Variants in FBXL22 observed in about 807,000 individuals in gnomAD.
The protein encoded by FBXL22 is F-box and leucine rich repeat protein 22.
FBXL22 carries 13 observed loss-of-function variants against 11.7 expected under a neutral mutation model. That is an observed-to-expected ratio of 1.11 (90% CI 0.73 to 1.77). The LOEUF (loss-of-function observed/expected upper bound fraction) is 1.77, where lower values mean the gene tolerates loss of function less well. Ranked by LOEUF, FBXL22 falls within the 40% of genes most tolerant of loss-of-function variation. The pLI is 0.00. For synonymous variants in FBXL22, 160 were observed against 144.1 expected (o/e 1.11, Z -0.79); for missense variants, 406 against 320.4 (o/e 1.27, Z -2.04).
the FBXL22 span, among the ~76,000 whole-genome samples, chr15:63,608,107 G>C: frequency 6.6e-6 from 1 of 152,228 alleles, no homozygotes; most frequent in Non-Finnish European, 1.5e-5. Flanking sequence ...GTGCCTGCTA[G>C]CAGTTGCTGG....
chr15:63,605,736 G>A (rs1431301110), downstream of FBXL22, among the ~76,000 whole-genome samples: 1 of 152,206 alleles, frequency 6.6e-6, no homozygotes, highest in Non-Finnish European at 1.5e-5. Context: ...CTCCTGCAAT[G>A]CTAACTCTTT....
At chr15:63,604,420 C>G (rs927061816), downstream of FBXL22, among the ~76,000 whole-genome samples, 4 of 152,132 alleles carry the variant, frequency 2.6e-5, no homozygotes, top group African/African-American at 9.7e-5. Flanking sequence ...ACATAGTGAT[C>G]ACAGAACTCA....
chr15:63,606,094 G>A (rs778333678), downstream of FBXL22, among the ~76,000 whole-genome samples: 5 of 152,190 alleles, frequency 3.3e-5, no homozygotes, highest in African/African-American at 7.2e-5. Context: ...GGAAGCAGAG[G>A]CTCCCAGTTC....
Position 63,600,878 on chromosome 15 carries a change from G to T in FBXL22, c.535G>T (p.Val179Leu). Residue 179 changes from valine (V) to leucine (L), a missense_variant, in exon 2 of 2, where the codon GTG becomes TTG. By Grantham distance (32) the Val-to-Leu change is conservative. Coordinates refer to ENST00000638704, the MANE Select transcript of FBXL22 (RefSeq NM_001367807.1). ...ADGRALQTLH[V>L]DFCRNVSAAG... ...CGGGCGCGCGCTGCAGACATTGCACGTGGACTTCTGCCGCAACGTGAGCGC... is the reference window on the plus strand; with the variant it reads ...CGGGCGCGCGCTGCAGACATTGCACTTGGACTTCTGCCGCAACGTGAGCGC... 5.7e-6 allele frequency: 7 copies of T among 1,226,908 alleles called. No individual in the cohort carries two copies. Among genetic ancestry groups the T allele is most frequent in the Non-Finnish European group, 5.1e-6 (5 of 984,548 alleles). 76.0% of individuals were successfully genotyped at this position (1,226,908 alleles called of 1,614,324 possible).
downstream of FBXL22, chr15:63,601,390 G>C: frequency 6.2e-7 from 1 of 1,600,382 alleles, no homozygotes; most frequent in Non-Finnish European, 8.5e-7. Context: ...TCGGTGGGGA[G>C]GACCTGACCA....
intron 1 of FBXL22, chr15:63,599,357 T>C: frequency 1.4e-6 from 2 of 1,436,148 alleles, no homozygotes; most frequent in Non-Finnish European, 1.8e-6. Flanking sequence ...CCAACACCTT[T>C]GAGGCTTAAA....
At chr15:63,606,606 C>A (rs2067413936), downstream of FBXL22, among the ~76,000 whole-genome samples, 1 of 152,112 alleles carries the variant, frequency 6.6e-6, no homozygotes, top group Admixed American at 6.5e-5. Context: ...GTAATCCCAG[C>A]ACTTTGGGAG....
At chr15:63,602,587 A>G (rs555691384), downstream of FBXL22, among the ~76,000 whole-genome samples, 311 of 39,312 alleles carry the variant, frequency 7.9e-3, 2 homozygotes, top group African/African-American at 0.021. Context: ...TCTTGTCTCA[A>G]AAAAAAAAAA....
intron 1 of FBXL22, chr15:63,599,170 GAC>G: frequency 1.3e-6 from 2 of 1,522,644 alleles, no homozygotes; most frequent in East Asian, 4.9e-5. Flanking sequence ...AGGATTAAAT[GAC>G]ACAGTGGCAC....
intron 1 of FBXL22, chr15:63,600,374 G>A: frequency 8.9e-7 from 1 of 1,126,654 alleles, no homozygotes; most frequent in Non-Finnish European, 1.1e-6. Context: ...CAAGGGTTGT[G>A]GCTCCTGGAA....
chr15:63,608,418 G>T, the FBXL22 span, among the ~76,000 whole-genome samples: 1 of 152,118 alleles, frequency 6.6e-6, no homozygotes, highest in Non-Finnish European at 1.5e-5. Flanking sequence ...CAACCCAGAG[G>T]GATCTCCTAG....
the FBXL22 span, among the ~76,000 whole-genome samples, chr15:63,607,789 G>A: frequency 6.6e-6 from 1 of 152,188 alleles, no homozygotes; most frequent in African/African-American, 2.4e-5. Flanking sequence ...GCATGAACTT[G>A]CTGTAGGTGA....
chr15:63,607,388 G>A (rs1208818770), downstream of FBXL22, among the ~76,000 whole-genome samples: 5 of 152,080 alleles, frequency 3.3e-5, no homozygotes, highest in African/African-American at 1.2e-4. Context: ...TTCCCACCCC[G>A]AGCAGGAGGG....
downstream of FBXL22, chr15:63,601,505 C>T: frequency 6.4e-7 from 1 of 1,551,376 alleles, no homozygotes; most frequent in South Asian, 1.2e-5. Context: ...ACCCCGCCGG[C>T]TCCCGGAGTG....
downstream of FBXL22, among the ~76,000 whole-genome samples, chr15:63,603,118 A>G (rs570174607): frequency 1.3e-5 from 2 of 152,310 alleles, no homozygotes; most frequent in South Asian, 4.1e-4. Context: ...GCTAATCTTG[A>G]GACAGACCAA....
downstream of FBXL22, chr15:63,601,332 G>A: frequency 6.2e-7 from 1 of 1,601,798 alleles, no homozygotes; most frequent in East Asian, 2.2e-5. Flanking sequence ...GGCGGGAGGC[G>A]CCTGCACCGT....
chr15:63,608,315 A>G, the FBXL22 span, among the ~76,000 whole-genome samples: 1 of 152,164 alleles, frequency 6.6e-6, no homozygotes, highest in Admixed American at 6.5e-5. Flanking sequence ...CTGTCCAGAG[A>G]AGGATGCGTG....
At chr15:63,599,391 G>A (rs2067327344) in intron 1 of FBXL22, 1 of 1,386,132 alleles carries the variant, frequency 7.2e-7, no homozygotes, top group East Asian at 2.7e-5. Context: ...TAACCACCTT[G>A]AAGGTAACAA....
rs541604748 is a variant in FBXL22 at position 63,600,671 on chromosome 15, C to G, written c.354-26C>G. On this transcript the variant is annotated intron_variant, in intron 1 of 1. Coordinates refer to ENST00000638704, the MANE Select transcript of FBXL22 (RefSeq NM_001367807.1). The stretch of plus-strand genomic sequence containing the variant: ...GGGTAGCTTTAACAAGCCAGTGAGC[C>G]CCGGGTCACCGCACTCTCCTCACAG... 2,336 of 1,231,368 alleles carry G rather than the reference C, an allele frequency of 1.9e-3. 3 individuals carry two copies. The highest frequency in any genetic ancestry group is 2.2e-3 in the Non-Finnish European group (2,215 of 987,702). 76.3% of individuals were successfully genotyped at this position (1,231,368 alleles called of 1,614,324 possible). A position where few individuals can be genotyped will look rare whatever the true frequency, so the allele number is the denominator to read the frequency against.
Sources: gnomAD v4.1 joint callset for allele counts (sites outside exome capture counted in the v4.1 genomes callset) on GRCh38, gnomAD v4.1.1 for gene constraint, MANE v1.5 for transcripts, NCBI Gene and HGNC (gene_info 2026-07-23, HGNC 2026-07-21) for gene names.